Variants in LMX1A observed in about 807,000 individuals in gnomAD.
LMX1A encodes the protein LIM homeobox transcription factor 1 alpha.
In LMX1A, 15 loss-of-function variants were observed where a neutral mutation model predicts 49.1. The observed-to-expected ratio is 0.31, with a 90% confidence interval of 0.20 to 0.47. The LOEUF (loss-of-function observed/expected upper bound fraction) is 0.47, where lower values mean the gene tolerates loss of function less well. Among genes scored for constraint, LMX1A ranks in the 20% least tolerant of loss-of-function variants. The pLI is 1.00. For missense variants in LMX1A, 372 were observed against 475.8 expected (o/e 0.78, Z 2.03); for synonymous variants, 167 against 185.7 (o/e 0.90, Z 0.82).
At position 165,326,678 on chromosome 1, in the gene LMX1A, T is replaced by A. The variant is rs1655590115; in HGVS notation, c.263+26398A>T. ...CACCTTCCTTTTGCACCTGGCTGCA[T>A]CCTTTTCTTCCCCAGTTCTTCCTAG... On this transcript the variant is annotated intron_variant, in intron 3 of 8. Transcript: ENST00000342310. 2.0e-5 allele frequency among the ~76,000 whole-genome samples: 3 copies of A among 152,210 alleles called. No individual in the cohort carries two copies. The South Asian group carries it at 6.2e-4, about 32-fold the overall frequency.
chr1:165,315,761 C>T (rs1053541931), intron 3 of LMX1A, among the ~76,000 whole-genome samples: 1 of 152,158 alleles, frequency 6.6e-6, no homozygotes, highest in African/African-American at 2.4e-5. Flanking sequence ...TCCCATCCAC[C>T]CCTGACACAT....
At chr1:165,250,867 C>T (rs1355231663) in intron 3 of LMX1A, among the ~76,000 whole-genome samples, 1 of 151,850 alleles carries the variant, frequency 6.6e-6, no homozygotes, top group East Asian at 1.9e-4. Context: ...GGCTGGCAGG[C>T]ACAAAGGGGT....
At chr1:165,212,992 G>C (rs192781727) in intron 5 of LMX1A, 1 of 152,412 alleles carries the variant, frequency 6.6e-6, no homozygotes, top group East Asian at 1.9e-4. Context: ...AACTGGAGCA[G>C]TCGCTTGGAC....
chr1:165,203,765 A>G lies in LMX1A; in HGVS notation c.*115T>C. On this transcript the variant is annotated 3_prime_UTR_variant, in exon 9 of 9. Coordinates refer to ENST00000342310, the MANE Select transcript of LMX1A (RefSeq NM_177398.4). The stretch of plus-strand genomic sequence containing the variant: ...ATCATTATACAACAGCATCCCCAAC[A>G]AAACTCCCTCCCCAACCCACCTCTT... The G allele has an allele frequency of 1.1e-6, 1 of 889,986 alleles. No individual in the cohort carries two copies. Among genetic ancestry groups the G allele is most frequent in the Non-Finnish European group, 1.8e-6 (1 of 563,360 alleles). The allele number at this position is 889,986 out of a possible 1,614,324, so 55.1% of individuals were successfully genotyped here. A position where few individuals can be genotyped will look rare whatever the true frequency, so the allele number is the denominator to read the frequency against.
chr1:165,333,065 A>G (rs1286325124), intron 3 of LMX1A, among the ~76,000 whole-genome samples: 2 of 152,192 alleles, frequency 1.3e-5, no homozygotes, highest in East Asian at 1.9e-4. Context: ...CTTATCTCCA[A>G]TAAGATTGTG....
At chr1:165,272,571 C>G (rs931893340) in intron 3 of LMX1A, among the ~76,000 whole-genome samples, 2 of 152,090 alleles carry the variant, frequency 1.3e-5, no homozygotes, top group African/African-American at 4.8e-5. Context: ...GAACAATGAC[C>G]ATAGTGGCGA....
At chr1:165,239,529 T>C (rs1343552) in intron 4 of LMX1A, among the ~76,000 whole-genome samples, 152,087 of 152,332 alleles carry the variant, frequency 1, 75,921 homozygotes, top group Middle Eastern at 1. Context: ...AAGTTCAGCA[T>C]AGAAAAGAAA....
intron 4 of LMX1A, among the ~76,000 whole-genome samples, chr1:165,219,912 G>C (rs1429997322): frequency 6.6e-6 from 1 of 152,230 alleles, no homozygotes; most frequent in Non-Finnish European, 1.5e-5. Flanking sequence ...GTGCAGAGGA[G>C]TTAAGAGAGG....
rs144209134 is a variant in LMX1A at position 165,213,636 on chromosome 1, T to C, written c.669+5A>G. On this transcript the variant is annotated splice_donor_5th_base_variant and intron_variant, in intron 5 of 8. Coordinates refer to ENST00000342310, the MANE Select transcript of LMX1A (RefSeq NM_177398.4). ...GCTCCTTTTCCTCCCTGCTCCCTCC[T>C]ATACCTTCCTGCAGGGCTTGGAGGA... is the stretch of plus-strand genomic sequence containing the variant. The C allele has an allele frequency of 2.5e-4, 406 of 1,613,376 alleles. 2 individuals are homozygous for C. The East Asian group carries it at 7.4e-3, about 29-fold the overall frequency.
At chr1:165,234,984 G>T (rs1448820258) in intron 4 of LMX1A, among the ~76,000 whole-genome samples, 1 of 152,054 alleles carries the variant, frequency 6.6e-6, no homozygotes, top group Non-Finnish European at 1.5e-5. Flanking sequence ...TCATAATGTG[G>T]AGGTCGAAGG....
At chr1:165,217,208 G>A (rs1158390809) in intron 4 of LMX1A, among the ~76,000 whole-genome samples, 2 of 152,196 alleles carry the variant, frequency 1.3e-5, no homozygotes, top group Non-Finnish European at 2.9e-5. Flanking sequence ...GCGACAGAGG[G>A]AGGCAGAGTT....
chr1:165,213,504 G>A (rs1261623505), intron 5 of LMX1A, 137 bp downstream of exon 5: 3 of 776,764 alleles, frequency 3.9e-6, no homozygotes, highest in African/African-American at 3.5e-5. Context: ...CAACAGGCTT[G>A]AGCCGCCTGT....
At chr1:165,352,965 TG>T in intron 3 of LMX1A, 110 bp downstream of exon 3, 1 of 1,120,968 alleles carries the variant, frequency 8.9e-7, no homozygotes, top group Non-Finnish European at 1.3e-6. Context: ...TTCTGCTCGC[TG>T]GGCGTGTCTC....
intron 3 of LMX1A, among the ~76,000 whole-genome samples, chr1:165,299,580 T>A (rs1249181873): frequency 6.6e-6 from 1 of 152,182 alleles, no homozygotes; most frequent in East Asian, 1.9e-4. Context: ...GCTCATCCAA[T>A]GCGATCTACT....
At position 165,232,876 on chromosome 1, in the gene LMX1A, A is replaced by G. The variant is rs75017594; in HGVS notation, c.496+16532T>C. Among the ~76,000 whole-genome samples, 1,263 of 152,290 alleles carry G rather than the reference A, an allele frequency of 8.3e-3. 15 individuals are homozygous for G. Among genetic ancestry groups the G allele is most frequent in the Non-Finnish European group, 0.013 (857 of 68,022 alleles). On this transcript the variant is annotated intron_variant, in intron 4 of 8. Coordinates refer to ENST00000342310, the MANE Select transcript of LMX1A (RefSeq NM_177398.4). ...ACCTAACATGTGGCTTCCCAACCAT[A>G]TGAAAAGGGCACTTTGGTGAGTCAG...
intron 3 of LMX1A, among the ~76,000 whole-genome samples, chr1:165,315,366 C>G (rs1655188047): frequency 6.6e-6 from 1 of 152,186 alleles, no homozygotes; most frequent in Non-Finnish European, 1.5e-5. Flanking sequence ...CCTTTCATCT[C>G]TACCCATTCC....
chr1:165,298,806 C>T (rs2101722568), intron 3 of LMX1A, among the ~76,000 whole-genome samples: 1 of 152,290 alleles, frequency 6.6e-6, no homozygotes, highest in African/African-American at 2.4e-5. Context: ...CAGCCACTAA[C>T]AATAGTGAGT....
chr1:165,269,616 T>A (rs1653734431), intron 3 of LMX1A, among the ~76,000 whole-genome samples: 1 of 152,238 alleles, frequency 6.6e-6, no homozygotes, highest in African/African-American at 2.4e-5. Context: ...GCAGAACTAT[T>A]CACAATAGCA....
Position 165,323,988 on chromosome 1 carries a change from T to G in LMX1A, c.263+29088A>C, listed in dbSNP as rs189962748. Among the ~76,000 whole-genome samples, 457 of 152,368 alleles carry G rather than the reference T, an allele frequency of 3.0e-3. 1 individual carries two copies. Among genetic ancestry groups the G allele is most frequent in the Admixed American group, 0.011 (162 of 15,304 alleles). Reference sequence around the variant, plus strand: ...CTTGTAGTTAACCTATCATCTCATTTCTAAAGATAGAGCAAAATTAACCCA... The same window carrying G: ...CTTGTAGTTAACCTATCATCTCATTGCTAAAGATAGAGCAAAATTAACCCA... On this transcript the variant is annotated intron_variant, in intron 3 of 8. Transcript: ENST00000342310.
Sources: allele counts gnomAD v4.1 joint callset (sites outside exome capture counted in the v4.1 genomes callset), GRCh38; gene constraint gnomAD v4.1.1; transcripts MANE v1.5; gene names NCBI Gene and HGNC (gene_info 2026-07-23, HGNC 2026-07-21).